Variants in CKMT2 observed in about 807,000 individuals in gnomAD.
CKMT2 encodes the protein creatine kinase, mitochondrial 2.
Under a neutral mutation model 48.9 loss-of-function variants are expected in CKMT2, and 43 were observed. That is an observed-to-expected ratio of 0.88 (90% CI 0.69 to 1.13). The LOEUF (loss-of-function observed/expected upper bound fraction) is 1.13, where lower values mean the gene tolerates loss of function less well. CKMT2 is among the 50% of genes most tolerant of loss of function. The pLI, the probability that CKMT2 is intolerant of heterozygous loss-of-function variation, is 0.00. For synonymous variants in CKMT2, 206 were observed against 213.0 expected (o/e 0.97, Z 0.29); for missense variants, 472 against 555.4 (o/e 0.85, Z 1.51).
intron 4 of CKMT2, 50 bp from the exon 5 acceptor site, chr5:81,254,943 A>G: frequency 6.7e-7 from 1 of 1,488,002 alleles, no homozygotes; most frequent in South Asian, 1.1e-5. Flanking sequence ...TGGCTGTGGC[A>G]GGACCATGGT....
intron 1 of CKMT2, among the ~76,000 whole-genome samples, chr5:81,234,055 A>T (rs1401414438): frequency 6.8e-6 from 1 of 146,452 alleles, no homozygotes; most frequent in Admixed American, 6.8e-5. Flanking sequence ...AACCTATGGA[A>T]TTGGCCCCAC....
intron 6 of CKMT2, 141 bp downstream of exon 6, chr5:81,257,141 A>AGTGTGTGTGTGTGTGTGTGTGTGTGTGT: frequency 2.1e-6 from 1 of 475,088 alleles, no homozygotes; most frequent in African/African-American, 2.0e-5. Context: ...CTACTTGGAA[A>AGTGTGTGTGTGTGTGTGTGTGTGTGTGT]GTGTGTGTGT....
In CKMT2 at chr5:81,254,350, G is replaced by A. The variant is rs200784489; in HGVS notation, c.352-46G>A. On this transcript the variant is annotated intron_variant, in intron 3 of 9. Coordinates refer to ENST00000254035, the MANE Select transcript of CKMT2 (RefSeq NM_001099735.2). ...AAGTGAATGGAAAGGTCTTTAAATA[G>A]TAGGTGAACCAGTTAAAGAGGAAAC... 5 of 1,510,830 alleles carry A rather than the reference G, an allele frequency of 3.3e-6. No homozygotes were observed. The Admixed American group carries it at 8.4e-5, about 25-fold the overall frequency. The allele number at this position is 1,510,830 out of a possible 1,614,324, so 93.6% of individuals were successfully genotyped here. A position where few individuals can be genotyped will look rare whatever the true frequency, so the allele number is the denominator to read the frequency against.
At chr5:81,257,240 A>G (rs1252860215) in intron 6 of CKMT2, among the ~76,000 whole-genome samples, 6 of 151,922 alleles carry the variant, frequency 3.9e-5, no homozygotes, top group East Asian at 3.9e-4. Context: ...TGCATGAATT[A>G]TGTGCCTGAA....
chr5:81,255,125 A>G lies in CKMT2; in HGVS notation c.580A>G (p.Thr194Ala), dbSNP rs777269801. The change falls in exon 5 of 10, where the codon ACT becomes GCT. Residue 194 changes from threonine (T) to alanine (A), a missense_variant. Thr to Ala is a moderately conservative substitution (Grantham distance 58). Coordinates refer to ENST00000254035, the MANE Select transcript of CKMT2 (RefSeq NM_001099735.2). ...AAGGGAGGTAGAGAACGTGGCCATCACTGCCCTGGAGGGCCTCAAGGGGGA... is the reference window on the plus strand; with the variant it reads ...AAGGGAGGTAGAGAACGTGGCCATCGCTGCCCTGGAGGGCCTCAAGGGGGA... Reference protein sequence around the residue: ...ERREVENVAITALEGLKGDLA... With the variant: ...ERREVENVAIAALEGLKGDLA... 7 of 1,614,068 alleles carry G rather than the reference A, an allele frequency of 4.3e-6. No homozygotes were observed. Among genetic ancestry groups the G allele is most frequent in the South Asian group, 1.1e-5 (1 of 91,082 alleles).
intron 1 of CKMT2, chr5:81,244,733 G>T (rs1448296362): frequency 6.6e-6 from 1 of 152,100 alleles, no homozygotes; most frequent in Non-Finnish European, 1.5e-5. Context: ...TGGCTCCATC[G>T]AGGCACATAC....
chr5:81,237,399 G>A (rs181699563), intron 1 of CKMT2, among the ~76,000 whole-genome samples: 2 of 152,186 alleles, frequency 1.3e-5, no homozygotes, highest in East Asian at 3.9e-4. Context: ...AGCTGCTGAG[G>A]CTCGGGTGGG....
chr5:81,246,256 G>A (rs1477231626), intron 1 of CKMT2, among the ~76,000 whole-genome samples: 2 of 151,326 alleles, frequency 1.3e-5, no homozygotes, highest in Non-Finnish European at 2.9e-5. Context: ...GGGTGGTCTC[G>A]GGGCCTGCAC....
chr5:81,257,673 A>G, intron 6 of CKMT2, 60 bp from the exon 7 acceptor site: 2 of 1,519,304 alleles, frequency 1.3e-6, no homozygotes, highest in Middle Eastern at 1.8e-4. Flanking sequence ...GGTAATGGGA[A>G]TTTTCATGTG....
At chr5:81,253,341 T>C (rs942722502) in intron 3 of CKMT2, among the ~76,000 whole-genome samples, 1 of 152,148 alleles carries the variant, frequency 6.6e-6, no homozygotes. Context: ...ATTACTGATT[T>C]CTCTCCTATT....
At chr5:81,254,688 C>T (rs1432739939) in intron 4 of CKMT2, 197 bp downstream of exon 4, 7 of 596,740 alleles carry the variant, frequency 1.2e-5, no homozygotes, top group Non-Finnish European at 2.1e-5. Flanking sequence ...TTAATAAATA[C>T]AACTAGGGAA....
Position 81,252,787 on chromosome 5 carries a change from C to G in CKMT2, c.245C>G (p.Pro82Arg), listed in dbSNP as rs770539483. 6.2e-7 allele frequency: 1 copy of G among 1,614,226 alleles called. No individual in the cohort carries two copies. Among genetic ancestry groups the G allele is most frequent in the Non-Finnish European group, 8.5e-7 (1 of 1,180,044 alleles). ...IYAKLRNKVTPNGYTLDQCIQ... is the reference protein window; with the variant it reads ...IYAKLRNKVTRNGYTLDQCIQ... ...GCCAAGCTTCGCAACAAGGTGACAC[C>G]CAACGGCTACACGCTGGACCAGTGC... The change falls in exon 3 of 10, where the codon CCC (proline) becomes CGC (arginine). Residue 82 changes from proline to arginine, a missense_variant. Transcript: ENST00000254035.
rs1756534800 is a variant in CKMT2 at position 81,244,274 on chromosome 5, T to C, written c.-20-6839T>C. The stretch of plus-strand genomic sequence containing the variant: ...AAGATATAATTGCCTGCCTCATCAT[T>C]AACATCACCTGCCCCTTCCTGGTGT... On this transcript the variant is annotated intron_variant, in intron 1 of 9. Coordinates refer to ENST00000254035, the MANE Select transcript of CKMT2 (RefSeq NM_001099735.2). The C allele has an allele frequency of 4.1e-6, 3 of 730,472 alleles. No homozygotes were observed. In the South Asian group the frequency reaches 1.8e-4, roughly 45 times the overall value. The allele number at this position is 730,472 out of a possible 1,614,324, so 45.2% of individuals were successfully genotyped here. A position where few individuals can be genotyped will look rare whatever the true frequency, so the allele number is the denominator to read the frequency against.
chr5:81,242,347 A>T, intron 1 of CKMT2: 1 of 412,302 alleles, frequency 2.4e-6, no homozygotes, highest in Non-Finnish European at 4.6e-6. Context: ...TTGCATTTGA[A>T]GTACTCTTTG....
rs567183507 is a variant in CKMT2, at chr5:81,245,950, TCTTTC to T, written c.-20-5162_-20-5158del. Among the ~76,000 whole-genome samples the T allele has an allele frequency of 1.4e-4, 21 of 152,194 alleles. No homozygotes were observed. In the East Asian group the frequency reaches 3.9e-3, roughly 28 times the overall value. On this transcript the variant is annotated intron_variant, in intron 1 of 9. Transcript: ENST00000254035. ...CTCAGGCATCCCTGGTTTTCCCTTA[TCTTTC>T]ATTTCCAAACCATTAGCACGACCTG...
At chr5:81,243,337 C>T (rs1297662492) in intron 1 of CKMT2, among the ~76,000 whole-genome samples, 1 of 152,170 alleles carries the variant, frequency 6.6e-6, no homozygotes, top group Non-Finnish European at 1.5e-5. Context: ...GGGATTGAGG[C>T]ACCAGGCTGT....
At chr5:81,256,865 G>A in intron 5 of CKMT2, 50 bp from the exon 6 acceptor site, 1 of 1,385,834 alleles carries the variant, frequency 7.2e-7, no homozygotes, top group Non-Finnish European at 1.0e-6. Context: ...TTGCAGTCCT[G>A]TTTGATCTCA....
intron 7 of CKMT2, among the ~76,000 whole-genome samples, chr5:81,258,642 G>A (rs1301897955): frequency 1.3e-5 from 2 of 152,122 alleles, no homozygotes; most frequent in African/African-American, 4.8e-5. Flanking sequence ...GGTGAGTGGT[G>A]GGTAAGCCAG....
At chr5:81,247,898 C>T (rs1435330935) in intron 1 of CKMT2, among the ~76,000 whole-genome samples, 1 of 152,158 alleles carries the variant, frequency 6.6e-6, no homozygotes, top group Non-Finnish European at 1.5e-5. Context: ...ATCAAAGCTT[C>T]CCCAGGATTA....
Sources: gnomAD v4.1 joint callset for allele counts (sites outside exome capture counted in the v4.1 genomes callset) on GRCh38, gnomAD v4.1.1 for gene constraint, MANE v1.5 for transcripts, NCBI Gene and HGNC (gene_info 2026-07-23, HGNC 2026-07-21) for gene names.